The following CFLAR variants were observed in gnomAD, a reference collection of about 807,000 sequenced individuals.
CFLAR encodes CASP8 and FADD-like apoptosis regulator.
CFLAR carries 14 observed loss-of-function variants against 51.1 expected under a neutral mutation model. That is an observed-to-expected ratio of 0.27 (90% confidence interval 0.18 to 0.43). The LOEUF is 0.43. Among genes scored for constraint, CFLAR ranks in the 20% least tolerant of loss-of-function variants. CFLAR has a pLI of 1.00. For missense variants in CFLAR, 390 were observed against 566.5 expected (o/e 0.69, Z 3.16); for synonymous variants, 210 against 211.6 (o/e 0.99, Z 0.06).
At chr2:201,141,801 C>A in intron 5 of CFLAR, 1 of 277,314 alleles carries the variant, frequency 3.6e-6, no homozygotes, top group Non-Finnish European at 5.6e-6. Flanking sequence ...GAAGTTAAAT[C>A]TTGGTGTAAT....
intron 1 of CFLAR, among the ~76,000 whole-genome samples, chr2:201,119,808 C>T (rs549186141): frequency 6.6e-6 from 1 of 150,466 alleles, no homozygotes; most frequent in South Asian, 2.1e-4. Flanking sequence ...GGGGTTCATT[C>T]CGTAGAGATA....
chr2:201,169,044 T>A lies in CFLAR; in HGVS notation c.*5071T>A, dbSNP rs1377755118. ...AAAATGGCCATACTACCCAAAGTAA[T>A]TTATAGGTTCATTGCTATTCCCATT... On this transcript the variant is annotated 3_prime_UTR_variant, in exon 10 of 10. Transcript: ENST00000309955. 6.6e-6 allele frequency: 1 copy of A among 152,212 alleles called. No homozygotes were observed. The highest frequency in any genetic ancestry group is 1.9e-4 in the East Asian group (1 of 5,196). The allele number at this position is 152,212 out of a possible 1,614,324, so 9.4% of individuals were successfully genotyped here. A position where few individuals can be genotyped will look rare whatever the true frequency, so the allele number is the denominator to read the frequency against.
chr2:201,141,842 G>C, intron 5 of CFLAR: 1 of 177,616 alleles, frequency 5.6e-6, no homozygotes, highest in Non-Finnish European at 1.1e-5. Context: ...AAGATATGTG[G>C]AGTTTGTAGT....
chr2:201,160,428 C>T lies in CFLAR; in HGVS notation c.794-4C>T. 1 of 1,608,366 alleles carries T rather than the reference C, an allele frequency of 6.2e-7. No homozygotes were observed. The highest frequency in any genetic ancestry group is 8.5e-7 in the Non-Finnish European group (1 of 1,178,044). Reference sequence around the variant, plus strand: ...TTTCCGTGTTTGTTTTTTGTTTTCCCCAGAGCTTCTTCGAGACACCTTCAC... The same window carrying T: ...TTTCCGTGTTTGTTTTTTGTTTTCCTCAGAGCTTCTTCGAGACACCTTCAC... On this transcript the variant is annotated splice_region_variant and splice_polypyrimidine_tract_variant and intron_variant, in intron 8 of 9. Coordinates refer to ENST00000309955, the MANE Select transcript of CFLAR (RefSeq NM_003879.7).
chr2:201,149,607 A>C, intron 7 of CFLAR, 147 bp from the exon 8 acceptor site: 1 of 570,580 alleles, frequency 1.8e-6, no homozygotes. Flanking sequence ...AATGGGAAAC[A>C]TTTGCCGTAA....
At chr2:201,160,398 G>C (rs1325912135) in intron 8 of CFLAR, 34 bp from the exon 9 acceptor site, 1 of 1,598,076 alleles carries the variant, frequency 6.3e-7, no homozygotes, top group African/African-American at 1.3e-5. Context: ...TCACTCCAGT[G>C]TTGTTTTCCG....
At chr2:201,163,552 G>A (rs1943266368) in intron 9 of CFLAR, 1 of 1,209,680 alleles carries the variant, frequency 8.3e-7, no homozygotes, top group East Asian at 4.4e-5. Flanking sequence ...TGGTATTACT[G>A]GCCTTTTGAG....
chr2:201,140,203 G>T (rs1434332107), intron 4 of CFLAR, 154 bp from the exon 5 acceptor site: 5 of 853,706 alleles, frequency 5.9e-6, no homozygotes, highest in African/African-American at 5.4e-5. Flanking sequence ...ATGTTTGGTC[G>T]AAGAGTCATC....
chr2:201,170,415 AAG>A lies in CFLAR; in HGVS notation c.*6445_*6446del, dbSNP rs1467354149. 1.6e-5 allele frequency: 1 copy of A among 60,922 alleles called. No individual in the cohort carries two copies. Among genetic ancestry groups the A allele is most frequent in the Non-Finnish European group, 4.9e-5 (1 of 20,290 alleles). The allele number at this position is 60,922 out of a possible 1,614,324, so 3.8% of individuals were successfully genotyped here. ...TTTTAAATTCATAAAGAATTCTAAC[AAG>A]AGGAATTCCAAGAATGTCATAAATG... On this transcript the variant is annotated 3_prime_UTR_variant, in exon 10 of 10. Transcript: ENST00000309955.
At position 201,124,820 on chromosome 2, in the gene CFLAR, G is replaced by A. The variant is rs2048529673; in HGVS notation, c.-137-4909G>A. On this transcript the variant is annotated intron_variant, in intron 1 of 9. Transcript: ENST00000309955. This position sits in a 1 kb window ranked among gnomAD's most constrained non-coding sequence, Gnocchi z 4.7. ...GAGGAGTAGAAGAAAGTTAGAGAAG[G>A]GTCTGTGTAGAATATAGTGGTGTGA... Among the ~76,000 whole-genome samples, 1 of 152,068 alleles carries A rather than the reference G, an allele frequency of 6.6e-6. No homozygotes were observed. The highest frequency in any genetic ancestry group is 1.5e-5 in the Non-Finnish European group (1 of 68,006).
chr2:201,163,650 G>A lies in CFLAR; in HGVS notation c.1305-185G>A. ...GAAACTCAGCAGCCCCTTGAGGGAGGGGATGGTGGCCATCAGGCCAGAGTA... is the reference window on the plus strand; with the variant it reads ...GAAACTCAGCAGCCCCTTGAGGGAGAGGATGGTGGCCATCAGGCCAGAGTA... On this transcript the variant is annotated intron_variant, in intron 9 of 9. Coordinates refer to ENST00000309955, the MANE Select transcript of CFLAR (RefSeq NM_003879.7). 2.9e-6 allele frequency: 4 copies of A among 1,392,684 alleles called. No individual in the cohort carries two copies. In the South Asian group the frequency reaches 4.9e-5, roughly 17 times the overall value. The allele number at this position is 1,392,684 out of a possible 1,614,324, so 86.3% of individuals were successfully genotyped here.
At position 201,118,053 on chromosome 2, in the gene CFLAR, C is replaced by T. The variant is rs2125573276; in HGVS notation, c.-138+1572C>T. ...TACAGGCGTGAGCCACCATGCCCGG[C>T]CCAACTCCAAGATCTAAACAAAAAA... On this transcript the variant is annotated intron_variant, in intron 1 of 9. Coordinates refer to ENST00000309955, the MANE Select transcript of CFLAR (RefSeq NM_003879.7). The surrounding 1 kb of genome is among the most constrained non-coding windows in gnomAD (Gnocchi z 5.1). Among the ~76,000 whole-genome samples the T allele has an allele frequency of 6.6e-6, 1 of 152,248 alleles. No homozygotes were observed. The highest frequency in any genetic ancestry group is 1.9e-4 in the East Asian group (1 of 5,186).
chr2:201,163,229 A>C, intron 9 of CFLAR: 1 of 1,300,748 alleles, frequency 7.7e-7, no homozygotes, highest in Middle Eastern at 2.0e-4. Flanking sequence ...TTATATAAAC[A>C]TTTTTTTAAT....
Position 201,118,013 on chromosome 2 carries a change from C to T in CFLAR, c.-138+1532C>T, listed in dbSNP as rs2047790211. 6.6e-6 allele frequency among the ~76,000 whole-genome samples: 1 copy of T among 151,972 alleles called. No individual in the cohort carries two copies. The highest frequency in any genetic ancestry group is 1.5e-5 in the Non-Finnish European group (1 of 68,002). On this transcript the variant is annotated intron_variant, in intron 1 of 9. Transcript: ENST00000309955. This position sits in a 1 kb window ranked among gnomAD's most constrained non-coding sequence, Gnocchi z 5.1. ...TAGGTGATCCGCCCGCCTCGGCATCCCAAAGTGCTGGGATTACAGGCGTGA... is the reference window on the plus strand; with the variant it reads ...TAGGTGATCCGCCCGCCTCGGCATCTCAAAGTGCTGGGATTACAGGCGTGA...
At chr2:201,130,184 A>T in intron 2 of CFLAR, 38 bp downstream of exon 2, 33 of 89,878 alleles carry the variant, frequency 3.7e-4, no homozygotes, top group Non-Finnish European at 6.1e-4. Context: ...GGTGGGTGGG[A>T]GGGAGTGAAG....
intron 4 of CFLAR, 66 bp downstream of exon 4, chr2:201,136,173 T>C: frequency 6.2e-7 from 1 of 1,612,394 alleles, no homozygotes. Flanking sequence ...GCATCATGAC[T>C]GATAAATATT....
At chr2:201,136,403 T>C in intron 4 of CFLAR, 1 of 1,598,434 alleles carries the variant, frequency 6.3e-7, no homozygotes, top group Non-Finnish European at 8.5e-7. Flanking sequence ...GCTATGGACA[T>C]TCAGGGGTTT....
chr2:201,152,125 C>T (rs1941380996), intron 8 of CFLAR, among the ~76,000 whole-genome samples: 1 of 151,908 alleles, frequency 6.6e-6, no homozygotes, highest in Non-Finnish European at 1.5e-5. Context: ...TACATCCCTG[C>T]CGGGAATACA....
chr2:201,157,535 C>A (rs569876673), intron 8 of CFLAR, among the ~76,000 whole-genome samples: 2 of 152,142 alleles, frequency 1.3e-5, no homozygotes, highest in East Asian at 3.9e-4. Flanking sequence ...TACTACCATG[C>A]CTGGCTAGTT....
Sources: gnomAD v4.1 joint callset for allele counts (sites outside exome capture counted in the v4.1 genomes callset) on GRCh38, gnomAD v4.1.1 for gene constraint, Gnocchi (gnomAD v3.1) non-coding constraint, MANE v1.5 for transcripts, NCBI Gene and HGNC (gene_info 2026-07-23, HGNC 2026-07-21) for gene names.